The following MCOLN2 variants were observed in gnomAD, a reference collection of about 807,000 sequenced individuals.
MCOLN2 encodes mucolipin-2.
A neutral mutation model predicts 67.5 loss-of-function variants in MCOLN2; 57 were observed. The ratio of observed to expected loss-of-function variants is 0.84; its 90% confidence interval spans 0.68 to 1.05. The LOEUF is 1.05. MCOLN2 is among the 50% of genes least tolerant of loss of function. The probability of loss-of-function intolerance (pLI) is 0.00; values close to 1 mark genes in which losing one functional copy is unlikely to be tolerated. For missense variants in MCOLN2, 620 were observed against 678.8 expected (o/e 0.91, Z 0.96); for synonymous variants, 246 against 233.3 (o/e 1.05, Z -0.50).
At chr1:84,972,611 T>C (rs1649754004) in intron 1 of MCOLN2, among the ~76,000 whole-genome samples, 1 of 152,158 alleles carries the variant, frequency 6.6e-6, no homozygotes, top group Non-Finnish European at 1.5e-5. Context: ...AAACCTACTG[T>C]CTCCACAGAT....
chr1:84,987,468 A>AGG, intron 1 of MCOLN2, among the ~76,000 whole-genome samples: 1 of 96,148 alleles, frequency 1.0e-5, no homozygotes, highest in African/African-American at 3.6e-5. Context: ...ATATGTATAT[A>AGG]TAGATATATA....
rs1647296286 is a variant in MCOLN2 at position 84,934,004 on chromosome 1, A to G, written c.1336-2436T>C. On this transcript the variant is annotated intron_variant, in intron 11 of 13. Transcript: ENST00000370608. ...AACCAGAGTCTATTTCAGTGGCCAA[A>G]TTCCATAGTAGAAGTGAGCTTAAAA... Among the ~76,000 whole-genome samples the G allele has an allele frequency of 2.0e-5, 3 of 152,186 alleles. No individual in the cohort carries two copies. The South Asian group carries it at 6.2e-4, about 32-fold the overall frequency.
At position 84,947,078 on chromosome 1, in the gene MCOLN2, C is replaced by G. The variant is rs757834223; in HGVS notation, c.802G>C (p.Asp268His). The stretch of plus-strand genomic sequence containing the variant: ...TCTTTACATTCTTCAATTTTGGCAT[C>G]ACTGTCAAAATAGATTTTGATTTTG... ...SGKIKIYFDS[D>H]AKIEECKDLN... The change falls in exon 7 of 14, where the codon GAT (aspartate) becomes CAT (histidine). Residue 268 changes from aspartate to histidine, a missense_variant. Coordinates refer to ENST00000370608, the MANE Select transcript of MCOLN2 (RefSeq NM_153259.4). The G allele has an allele frequency of 1.3e-5, 21 of 1,603,372 alleles. No individual in the cohort carries two copies. The highest frequency in any genetic ancestry group is 1.7e-5 in the Non-Finnish European group (20 of 1,170,798).
chr1:84,954,568 G>C (rs1408661106), intron 4 of MCOLN2, among the ~76,000 whole-genome samples: 2 of 152,184 alleles, frequency 1.3e-5, no homozygotes, highest in South Asian at 4.1e-4. Context: ...AAGGCCCAGA[G>C]AGGCCAAGAA....
At chr1:84,970,762 A>G (rs967880484) in intron 1 of MCOLN2, among the ~76,000 whole-genome samples, 9 of 152,204 alleles carry the variant, frequency 5.9e-5, no homozygotes, top group Non-Finnish European at 1.5e-5. Flanking sequence ...CCAGGAGCAA[A>G]TGTGAATAGA....
rs869075778 is a variant in MCOLN2, at chr1:84,993,619, CTTTT to C, written c.77+3173_77+3176del. Among the ~76,000 whole-genome samples, 208 of 118,514 alleles carry C rather than the reference CTTTT, an allele frequency of 1.8e-3. 5 individuals carry two copies. Among genetic ancestry groups the C allele is most frequent in the Middle Eastern group, 8.2e-3 (2 of 244 alleles). The allele number at this position is 118,514 out of a possible 152,430, so 77.7% of individuals were successfully genotyped here. ...ACAAAATGTAGTTCTTAAATAATGT[CTTTT>C]TTTTTTTTTTTTTTTTTTGAGACGG... is the stretch of plus-strand genomic sequence containing the variant. On this transcript the variant is annotated intron_variant, in intron 1 of 13. Coordinates refer to ENST00000370608, the MANE Select transcript of MCOLN2 (RefSeq NM_153259.4).
chr1:84,978,927 G>A (rs569256064), intron 1 of MCOLN2, among the ~76,000 whole-genome samples: 3 of 152,252 alleles, frequency 2.0e-5, no homozygotes, highest in South Asian at 2.1e-4. Context: ...GAGCCAGTCC[G>A]AGTTCTAAAA....
At chr1:84,950,641 AC>A (rs1213299368) in intron 6 of MCOLN2, among the ~76,000 whole-genome samples, 2 of 152,208 alleles carry the variant, frequency 1.3e-5, no homozygotes, top group Admixed American at 6.5e-5. Context: ...TATGCCAAGT[AC>A]TTATTAGGGT....
chr1:84,933,479 C>T (rs901524795), intron 11 of MCOLN2, among the ~76,000 whole-genome samples: 2 of 152,214 alleles, frequency 1.3e-5, no homozygotes, highest in Non-Finnish European at 2.9e-5. Context: ...ATGAACAGAT[C>T]ACTTAACAAT....
Position 84,926,565 on chromosome 1 carries a change from T to C in MCOLN2, c.*120A>G, listed in dbSNP as rs1387409099. The C allele has an allele frequency of 4.8e-6, 3 of 629,298 alleles. No individual in the cohort carries two copies. Among genetic ancestry groups the C allele is most frequent in the Non-Finnish European group, 7.9e-6 (3 of 381,672 alleles). The allele number at this position is 629,298 out of a possible 1,614,324, so 39.0% of individuals were successfully genotyped here. ...GTCAGCTGGCTAACTGTGAGTCCTC[T>C]TTCCCACTCCACAATTAAATAAGAG... On this transcript the variant is annotated 3_prime_UTR_variant, in exon 14 of 14. Coordinates refer to ENST00000370608, the MANE Select transcript of MCOLN2 (RefSeq NM_153259.4).
chr1:84,977,540 G>T (rs1174271738), intron 1 of MCOLN2, among the ~76,000 whole-genome samples: 1 of 152,058 alleles, frequency 6.6e-6, no homozygotes, highest in Non-Finnish European at 1.5e-5. Context: ...TAAAGGGATG[G>T]AGAAAGAAAT....
rs554296988 is a variant in MCOLN2, at chr1:84,979,922, A to G, written c.78-14214T>C. Among the ~76,000 whole-genome samples, 2 of 152,356 alleles carry G rather than the reference A, an allele frequency of 1.3e-5. 1 individual carries two copies. Among genetic ancestry groups the G allele is most frequent in the South Asian group, 4.1e-4 (2 of 4,834 alleles). On this transcript the variant is annotated intron_variant, in intron 1 of 13. Coordinates refer to ENST00000370608, the MANE Select transcript of MCOLN2 (RefSeq NM_153259.4). ...AGATGAGATGATCTTATATTTGGAA[A>G]AAAACTAAAGACTCCACTAAAAAAC...
intron 1 of MCOLN2, among the ~76,000 whole-genome samples, chr1:84,968,859 C>G (rs1320514018): frequency 3.3e-5 from 5 of 152,190 alleles, no homozygotes; most frequent in Admixed American, 2.6e-4. Context: ...TGCCCCAAAC[C>G]CTGGAAGAAG....
At chr1:84,987,432 GTATATAGA>G (rs1450929856) in intron 1 of MCOLN2, among the ~76,000 whole-genome samples, 5 of 91,870 alleles carry the variant, frequency 5.4e-5, no homozygotes, top group South Asian at 3.1e-4. Flanking sequence ...ACCTATATAC[GTATATAGA>G]TATATACATA....
chr1:84,930,517 A>T (rs931030940), intron 12 of MCOLN2, among the ~76,000 whole-genome samples: 2 of 152,126 alleles, frequency 1.3e-5, no homozygotes, highest in Non-Finnish European at 2.9e-5. Context: ...CCACGCAGAG[A>T]CATTGCCACA....
intron 1 of MCOLN2, among the ~76,000 whole-genome samples, chr1:84,984,045 C>T (rs1026302771): frequency 2.0e-5 from 3 of 152,110 alleles, no homozygotes; most frequent in Non-Finnish European, 4.4e-5. Context: ...TTGAATCCTC[C>T]CTTGGAAAAT....
chr1:84,969,524 T>C (rs1389612138), intron 1 of MCOLN2, among the ~76,000 whole-genome samples: 1 of 146,082 alleles, frequency 6.8e-6, no homozygotes, highest in Non-Finnish European at 1.5e-5. Flanking sequence ...TAAGCCAATA[T>C]GGCACCACTG....
At chr1:84,961,373 G>A (rs1649079927) in intron 2 of MCOLN2, among the ~76,000 whole-genome samples, 1 of 152,160 alleles carries the variant, frequency 6.6e-6, no homozygotes, top group African/African-American at 2.4e-5. Flanking sequence ...AACTGACCAT[G>A]AAAGTGGTAT....
chr1:84,976,524 T>C (rs1217584265), intron 1 of MCOLN2, among the ~76,000 whole-genome samples: 2 of 152,160 alleles, frequency 1.3e-5, no homozygotes, highest in Non-Finnish European at 2.9e-5. Flanking sequence ...TCCCAGCATT[T>C]TGGGAGGCCG....
Sources: gnomAD v4.1 joint callset for allele counts (sites outside exome capture counted in the v4.1 genomes callset) on GRCh38, gnomAD v4.1.1 for gene constraint, MANE v1.5 for transcripts, NCBI Gene and HGNC (gene_info 2026-07-23, HGNC 2026-07-21) for gene names.